The following NEK4 variants were observed in gnomAD, a reference collection of about 807,000 sequenced individuals.
NEK4 encodes the protein serine/threonine-protein kinase Nek4.
In NEK4, 86 loss-of-function variants were observed where a neutral mutation model predicts 98.4. The observed-to-expected ratio is 0.87, with a 90% CI of 0.73 to 1.05. NEK4 has a LOEUF of 1.05. Among genes scored for constraint, NEK4 ranks in the 50% least tolerant of loss-of-function variants. NEK4 has a pLI of 0.00. For synonymous variants in NEK4, 328 were observed against 342.2 expected (o/e 0.96, Z 0.46); for missense variants, 898 against 950.3 (o/e 0.94, Z 0.72).
Position 52,768,352 on chromosome 3 carries a change from C to A in NEK4, c.346G>T (p.Ala116Ser). The part of the protein sequence containing the change: ...NQVVEWFVQI[A>S]MALQYLHEKH... ...CTACACAGTACCTGCAAAGCCATGG[C>A]GATCTGTACAAACCACTCTACCACC... is the stretch of plus-strand genomic sequence containing the variant. The change falls in exon 2 of 16, where the codon GCC (alanine) becomes TCC (serine). Residue 116 changes from alanine (A) to serine (S), a missense_variant. Physicochemically the swap from Ala to Ser is moderately conservative, Grantham distance 99 (BLOSUM62 1). Coordinates refer to ENST00000233027, the MANE Select transcript of NEK4 (RefSeq NM_003157.6). 1 of 1,614,120 alleles carries A rather than the reference C, an allele frequency of 6.2e-7. No individual in the cohort carries two copies. The highest frequency in any genetic ancestry group is 8.5e-7 in the Non-Finnish European group (1 of 1,179,964).
At chr3:52,766,987 C>T (rs546980808) in intron 2 of NEK4, among the ~76,000 whole-genome samples, 113 of 148,006 alleles carry the variant, frequency 7.6e-4, no homozygotes, top group African/African-American at 2.5e-3. Context: ...AGCGAGACTC[C>T]GTCTCAAAAA....
intron 15 of NEK4, 160 bp downstream of exon 15, chr3:52,737,426 T>A: frequency 1.5e-6 from 1 of 665,750 alleles, no homozygotes; most frequent in Admixed American, 2.9e-5. Flanking sequence ...AATGTTCTAA[T>A]ATCGATTGTG....
intron 15 of NEK4, among the ~76,000 whole-genome samples, chr3:52,714,567 G>C (rs1471489763): frequency 1.3e-5 from 2 of 152,220 alleles, no homozygotes; most frequent in East Asian, 3.9e-4. Flanking sequence ...GGAGGGCAAG[G>C]GGAGGAAGCA....
chr3:52,768,427 A>G lies in NEK4; in HGVS notation c.271T>C (p.Leu91=). 1 of 1,614,134 alleles carries G rather than the reference A, an allele frequency of 6.2e-7. No individual in the cohort carries two copies. Among genetic ancestry groups the G allele is most frequent in the South Asian group, 1.1e-5 (1 of 91,082 alleles). ...IVMGFCEGGD[L]YRKLKEQKGQ... The stretch of plus-strand genomic sequence containing the variant: ...TTCTGCTCCTTGAGCTTTCGGTACA[A>G]ATCACCTCCTTCACAGAAGCCCATG... The change falls in exon 2 of 16, where the codon TTG becomes CTG. Residue 91 remains leucine (L), a synonymous_variant. Coordinates refer to ENST00000233027, the MANE Select transcript of NEK4 (RefSeq NM_003157.6).
rs1418077493 is a variant in NEK4, at chr3:52,763,522, T to G, written c.769A>C (p.Arg257=). ...ATTTGCCGCTTTATATAAGGCTGCC[T>G]CAGGATGCTCCTCACAGACGGCCTT... ...EERPSVRSIL[R]QPYIKRQISF... is the part of the protein sequence containing the mutation. The change falls in exon 5 of 16, where the codon AGG becomes CGG. Residue 257 remains arginine (R), a synonymous_variant. Coordinates refer to ENST00000233027, the MANE Select transcript of NEK4 (RefSeq NM_003157.6). 6.2e-7 allele frequency: 1 copy of G among 1,614,072 alleles called. No homozygotes were observed. Among genetic ancestry groups the G allele is most frequent in the Non-Finnish European group, 8.5e-7 (1 of 1,180,016 alleles).
rs2097349279 is a variant in NEK4, at chr3:52,710,435, T to C, written c.*1342A>G. On this transcript the variant is annotated 3_prime_UTR_variant, in exon 16 of 16. Transcript: ENST00000233027. ...TTAGAGTATTTGTGTGTGTGTGTAA[T>C]TTTCAAAGATAGATATATTTTTAGT... 1 of 151,782 alleles carries C rather than the reference T, an allele frequency of 6.6e-6. No homozygotes were observed. The highest frequency in any genetic ancestry group is 1.5e-5 in the Non-Finnish European group (1 of 67,990). The allele number at this position is 151,782 out of a possible 1,614,324, so 9.4% of individuals were successfully genotyped here. A position where few individuals can be genotyped will look rare whatever the true frequency, so the allele number is the denominator to read the frequency against.
Position 52,760,915 on chromosome 3 carries a change from A to C in NEK4, c.843T>G (p.Ile281Met), listed in dbSNP as rs775176848. 4 of 1,585,618 alleles carry C rather than the reference A, an allele frequency of 2.5e-6. No individual in the cohort carries two copies. The highest frequency in any genetic ancestry group is 2.3e-5 in the South Asian group (2 of 87,642). Residue 281 changes from isoleucine (I) to methionine (M), a missense_variant, in exon 6 of 16, where the codon ATT (isoleucine) becomes ATG (methionine). By Grantham distance (10) the Ile-to-Met change is conservative. Transcript: ENST00000233027. ...GCTTGGATTGAGAGTCACCATTTTTAATGTTATTTTTGGAGGTTTTTCTTT... is the reference window on the plus strand; with the variant it reads ...GCTTGGATTGAGAGTCACCATTTTTCATGTTATTTTTGGAGGTTTTTCTTT... The part of the protein sequence containing the change: ...ATKIKTSKNN[I>M]KNGDSQSKPF...
chr3:52,752,087 G>T lies in NEK4; in HGVS notation c.1213C>A (p.Gln405Lys). Residue 405 changes from glutamine to lysine, a missense_variant, in exon 7 of 16, where the codon CAA (glutamine) becomes AAA (lysine). Transcript: ENST00000233027. ...TCCTGCAGCATCTCCTCTTCCACTT[G>T]AGAAATACTGCATATACCTCCTAAC... ...NELGGICSIS[Q>K]VEEEMLQDNT... is the part of the protein sequence containing the mutation. 2 of 1,614,192 alleles carry T rather than the reference G, an allele frequency of 1.2e-6. No individual in the cohort carries two copies. The highest frequency in any genetic ancestry group is 1.7e-6 in the Non-Finnish European group (2 of 1,180,034).
chr3:52,751,829 AGAAT>A (rs2097405646), intron 7 of NEK4, 99 bp downstream of exon 7: 3 of 1,125,250 alleles, frequency 2.7e-6, no homozygotes, highest in Non-Finnish European at 3.8e-6. Flanking sequence ...ACTGATACAT[AGAAT>A]TACTGATTTT....
chr3:52,722,018 T>C (rs1239979117), intron 15 of NEK4, among the ~76,000 whole-genome samples: 4 of 152,216 alleles, frequency 2.6e-5, no homozygotes, highest in African/African-American at 9.6e-5. Context: ...TCTGTTCCTC[T>C]TTGCTCGCCC....
intron 8 of NEK4, among the ~76,000 whole-genome samples, chr3:52,747,942 C>CAA (rs34194697): frequency 6.1e-5 from 9 of 147,916 alleles, no homozygotes; most frequent in Admixed American, 3.4e-4. Flanking sequence ...AAGAGTGTCT[C>CAA]AAAAAAAAAA....
At chr3:52,741,595 G>A (rs186469183) in intron 12 of NEK4, 96 bp from the exon 13 acceptor site, 20 of 712,774 alleles carry the variant, frequency 2.8e-5, no homozygotes, top group East Asian at 1.6e-4. Flanking sequence ...GACACAATAC[G>A]TTCCTAGGTG....
At chr3:52,766,404 T>C (rs1698561317) in intron 2 of NEK4, 29 bp from the exon 3 acceptor site, 3 of 1,479,426 alleles carry the variant, frequency 2.0e-6, no homozygotes, top group South Asian at 1.1e-5. Context: ...TTTTATTACA[T>C]ATAAATAGAC....
chr3:52,733,642 A>G (rs980383843), intron 15 of NEK4: 1 of 485,686 alleles, frequency 2.1e-6, no homozygotes, highest in Non-Finnish European at 4.1e-6. Context: ...AGCATTCAGG[A>G]CTTATGGCCC....
chr3:52,709,277 A>G lies in NEK4; in HGVS notation c.*2500T>C, dbSNP rs1248144416. 5 of 152,222 alleles carry G rather than the reference A, an allele frequency of 3.3e-5. No homozygotes were observed. Among genetic ancestry groups the G allele is most frequent in the Admixed American group, 2.6e-4 (4 of 15,274 alleles). The allele number at this position is 152,222 out of a possible 1,614,324, so 9.4% of individuals were successfully genotyped here. ...AACTGTGGCCAAAGGTATATTCGGA[A>G]GAAAATTCACAGTCTTAAAGATGAG... is the stretch of plus-strand genomic sequence containing the variant. On this transcript the variant is annotated 3_prime_UTR_variant, in exon 16 of 16. Transcript: ENST00000233027.
Position 52,746,893 on chromosome 3 carries a change from A to C in NEK4, c.1518T>G (p.Ala506=). 1.2e-6 allele frequency: 2 copies of C among 1,612,550 alleles called. No individual in the cohort carries two copies. The highest frequency in any genetic ancestry group is 1.7e-6 in the Non-Finnish European group (2 of 1,178,760). ...GVCHHAQDQV[A]GECIIEKQGR... is the part of the protein sequence containing the mutation. ...CCTGTTTTTCTATAATACATTCACC[A>C]GCAACTTGATCCTTAAAAACAATAA... is the stretch of plus-strand genomic sequence containing the variant. Residue 506 remains alanine, a synonymous_variant, in exon 9 of 16, where the codon GCT becomes GCG. Transcript: ENST00000233027.
intron 15 of NEK4, among the ~76,000 whole-genome samples, chr3:52,714,210 C>CG (rs2097353003): frequency 6.6e-6 from 1 of 152,108 alleles, no homozygotes; most frequent in Admixed American, 6.5e-5. Flanking sequence ...CACTCCAGCC[C>CG]GGGCTACAGA....
At chr3:52,720,491 G>A (rs1316554758) in intron 15 of NEK4, among the ~76,000 whole-genome samples, 1 of 152,142 alleles carries the variant, frequency 6.6e-6, no homozygotes, top group Non-Finnish European at 1.5e-5. Context: ...TTAAAGTGCT[G>A]AAAGTCAAAA....
intron 14 of NEK4, among the ~76,000 whole-genome samples, chr3:52,737,939 G>A (rs916539985): frequency 2.6e-5 from 4 of 151,662 alleles, no homozygotes; most frequent in African/African-American, 9.7e-5. Context: ...TCAGCCTCCC[G>A]ACTATTTGGG....
Sources: gnomAD v4.1 joint callset for allele counts (sites outside exome capture counted in the v4.1 genomes callset) on GRCh38, gnomAD v4.1.1 for gene constraint, MANE v1.5 for transcripts, NCBI Gene and HGNC (gene_info 2026-07-23, HGNC 2026-07-21) for gene names.